Variants in TNRC6B observed in about 807,000 individuals in gnomAD.
The protein encoded by TNRC6B is trinucleotide repeat-containing gene 6B protein.
A neutral mutation model predicts 203.6 loss-of-function variants in TNRC6B; 52 were observed. The observed-to-expected ratio is 0.26, with a 90% CI of 0.20 to 0.32. The LOEUF (loss-of-function observed/expected upper bound fraction) is 0.32. TNRC6B is among the 10% of genes least tolerant of loss of function. The pLI, the probability that TNRC6B is intolerant of heterozygous loss-of-function variation, is 1.00. For missense variants in TNRC6B, 1,923 were observed against 2,286.2 expected, an observed-to-expected ratio of 0.84 and a Z score of 3.24; for synonymous variants, 838 against 845.7, an observed-to-expected ratio of 0.99 and a Z score of 0.16.
rs2070632778 is a variant in TNRC6B, at chr22:40,275,717, G to A, written c.3142-1360G>A. Among the ~76,000 whole-genome samples, 3 of 152,022 alleles carry A rather than the reference G, an allele frequency of 2.0e-5. No homozygotes were observed. In the East Asian group the frequency reaches 5.8e-4, roughly 29 times the overall value. ...CTCATGCCTGTAATCCCAACACTTT[G>A]GGAGGCTGAGGCAGGTGAATCACCT... On this transcript the variant is annotated intron_variant, in intron 7 of 22. Coordinates refer to ENST00000454349, the MANE Select transcript of TNRC6B (RefSeq NM_001162501.2).
rs368285800 is a variant in TNRC6B, at chr22:40,253,245, C to A, written c.115+2045C>A. On this transcript the variant is annotated intron_variant, in intron 3 of 22. Coordinates refer to ENST00000454349, the MANE Select transcript of TNRC6B (RefSeq NM_001162501.2). ...TACAGGCACCCGCCACCATGCCCGG[C>A]TAATTTTTTTTTTTTTTTGTATTTT... is the stretch of plus-strand genomic sequence containing the variant. Among the ~76,000 whole-genome samples, 755 of 150,388 alleles carry A rather than the reference C, an allele frequency of 5.0e-3. 8 individuals carry two copies. The highest frequency in any genetic ancestry group is 0.017 in the African/African-American group (687 of 40,848).
intron 3 of TNRC6B, among the ~76,000 whole-genome samples, chr22:40,146,731 T>G (rs939498116): frequency 2.0e-5 from 3 of 152,124 alleles, no homozygotes; most frequent in African/African-American, 4.8e-5. Context: ...GGCTAATTTT[T>G]TGTGTGTGTT....
chr22:40,052,494 T>C lies in TNRC6B; in HGVS notation c.-121+7496T>C, dbSNP rs568380559. Among the ~76,000 whole-genome samples the C allele has an allele frequency of 2.0e-4, 28 of 138,280 alleles. No homozygotes were observed. In the South Asian group the frequency reaches 6.4e-3, roughly 31 times the overall value. The allele number at this position is 138,280 out of a possible 152,430, so 90.7% of individuals were successfully genotyped here. A position where few individuals can be genotyped will look rare whatever the true frequency, so the allele number is the denominator to read the frequency against. ...TTTGTTGAGGCAGGGTCTTACTCTG[T>C]CACCCAGGCCGGAGTGCAGTGGCAT... is the stretch of plus-strand genomic sequence containing the variant. On this transcript the variant is annotated intron_variant, in intron 1 of 23. Transcript: ENST00000301923.
chr22:40,133,237 A>G (rs1404210460), intron 3 of TNRC6B, among the ~76,000 whole-genome samples: 1 of 151,790 alleles, frequency 6.6e-6, no homozygotes, highest in African/African-American at 2.4e-5. Flanking sequence ...TTTCAGCTCT[A>G]TTGTGGATTT....
At chr22:40,292,983 A>G (rs1294359641) in intron 12 of TNRC6B, among the ~76,000 whole-genome samples, 4 of 152,158 alleles carry the variant, frequency 2.6e-5, no homozygotes, top group African/African-American at 9.7e-5. Context: ...CATATAGTAT[A>G]GAGCCTCCTT....
chr22:40,311,296 A>G (rs1039090712), intron 17 of TNRC6B, among the ~76,000 whole-genome samples: 1 of 152,146 alleles, frequency 6.6e-6, no homozygotes, highest in Non-Finnish European at 1.5e-5. Flanking sequence ...TTCTTAGGCA[A>G]GTGTGTATTA....
intron 1 of TNRC6B, among the ~76,000 whole-genome samples, chr22:40,214,267 A>T (rs1403909610): frequency 6.6e-6 from 1 of 152,094 alleles, no homozygotes; most frequent in Non-Finnish European, 1.5e-5. Context: ...ACTCCATCTC[A>T]AAAAATAAAA....
chr22:40,216,514 A>G (rs1304762287), intron 1 of TNRC6B, among the ~76,000 whole-genome samples: 1 of 152,204 alleles, frequency 6.6e-6, no homozygotes, highest in Non-Finnish European at 1.5e-5. Flanking sequence ...AGTTTTTACC[A>G]TAAGCGTGAA....
chr22:40,092,803 C>T (rs1007775987), intron 1 of TNRC6B, among the ~76,000 whole-genome samples: 1 of 152,152 alleles, frequency 6.6e-6, no homozygotes, highest in Non-Finnish European at 1.5e-5. Context: ...AGGTGCAGAC[C>T]GCCATGCCTG....
chr22:40,323,122 C>A lies in TNRC6B; in HGVS notation c.5383C>A (p.Pro1795Thr), dbSNP rs199634047. The part of the protein sequence containing the change: ...ADLAGASLWG[P>T]PNYSSSLWGV... ...TCTTGCTGGCGCTTCATTGTGGGGG[C>A]CCCCAAACTATTCTTCTAGCTTATG... Residue 1795 changes from proline to threonine, a missense_variant, in exon 23 of 23, where the codon CCC becomes ACC. Transcript: ENST00000454349. 1 of 1,612,798 alleles carries A rather than the reference C, an allele frequency of 6.2e-7. No individual in the cohort carries two copies. The highest frequency in any genetic ancestry group is 1.3e-5 in the African/African-American group (1 of 74,980).
At chr22:40,320,349 G>A (rs1176537443) in intron 21 of TNRC6B, among the ~76,000 whole-genome samples, 1 of 152,148 alleles carries the variant, frequency 6.6e-6, no homozygotes. Flanking sequence ...GAGTTGTGGT[G>A]TGCGCCTGTA....
intron 2 of TNRC6B, chr22:40,246,424 G>C: frequency 5.8e-6 from 1 of 172,314 alleles, no homozygotes; most frequent in South Asian, 1.2e-4. Context: ...TCCTGTCCTC[G>C]TGATCCCCCA....
chr22:40,148,793 G>A (rs2068719490), intron 3 of TNRC6B, among the ~76,000 whole-genome samples: 2 of 152,074 alleles, frequency 1.3e-5, no homozygotes, highest in Non-Finnish European at 2.9e-5. Context: ...CATATTAAAA[G>A]GGGGGAACTT....
rs1234708961 is a variant in TNRC6B at position 40,328,885 on chromosome 22, A to G, written c.*5644A>G. 6.6e-6 allele frequency: 1 copy of G among 152,492 alleles called. No homozygotes were observed. Among genetic ancestry groups the G allele is most frequent in the Non-Finnish European group, 1.5e-5 (1 of 68,004 alleles). 9.4% of individuals were successfully genotyped at this position (152,492 alleles called of 1,614,324 possible). A position where few individuals can be genotyped will look rare whatever the true frequency, so the allele number is the denominator to read the frequency against. On this transcript the variant is annotated 3_prime_UTR_variant, in exon 23 of 23. Coordinates refer to ENST00000454349, the MANE Select transcript of TNRC6B (RefSeq NM_001162501.2). ...TTTAGATTTGAGATTTTTGTTTTTA[A>G]GTATCTATAAGATCTTTAGAAGTGA...
chr22:40,130,023 T>C (rs2068527333), intron 3 of TNRC6B, among the ~76,000 whole-genome samples: 1 of 152,180 alleles, frequency 6.6e-6, no homozygotes, highest in Non-Finnish European at 1.5e-5. Context: ...TTTTTAAAAA[T>C]GAGTTATGAC....
At chr22:40,130,215 C>G (rs972388823) in intron 3 of TNRC6B, among the ~76,000 whole-genome samples, 4 of 152,126 alleles carry the variant, frequency 2.6e-5, no homozygotes, top group African/African-American at 9.7e-5. Flanking sequence ...TTCTCAGATT[C>G]CCAGGCTTAA....
intron 1 of TNRC6B, among the ~76,000 whole-genome samples, chr22:40,098,384 CAAAAAAA>C (rs1056495905): frequency 3.7e-4 from 19 of 51,490 alleles, no homozygotes; most frequent in South Asian, 2.0e-3. Flanking sequence ...GACTCCGTCT[CAAAAAAA>C]AAAAAAAAAA....
At chr22:40,299,488 C>A (rs1437634709) in intron 12 of TNRC6B, among the ~76,000 whole-genome samples, 1 of 152,202 alleles carries the variant, frequency 6.6e-6, no homozygotes, top group Non-Finnish European at 1.5e-5. Context: ...ATCCACCCAC[C>A]TCAGCCTCCT....
intron 3 of TNRC6B, among the ~76,000 whole-genome samples, chr22:40,150,120 A>G (rs539589631): frequency 6.6e-6 from 1 of 152,176 alleles, no homozygotes; most frequent in Non-Finnish European, 1.5e-5. Context: ...AGTGCCACTA[A>G]AATTATTTTT....
Sources: allele counts gnomAD v4.1 joint callset (sites outside exome capture counted in the v4.1 genomes callset), GRCh38; gene constraint gnomAD v4.1.1; transcripts MANE v1.5; gene names NCBI Gene and HGNC (gene_info 2026-07-23, HGNC 2026-07-21).